WDR11: variants seen among roughly 807,000 people sequenced by gnomAD.
WDR11 encodes the protein WD repeat-containing protein 11.
In WDR11, 83 loss-of-function variants were observed where a neutral mutation model predicts 151.2. The ratio of observed to expected loss-of-function variants is 0.55; its 90% CI spans 0.46 to 0.66. The LOEUF (loss-of-function observed/expected upper bound fraction) is 0.66, where lower values mean the gene tolerates loss of function less well. Among genes scored for constraint, WDR11 ranks in the 30% least tolerant of loss-of-function variants. The pLI, the probability that WDR11 is intolerant of heterozygous loss-of-function variation, is 0.00. For missense variants in WDR11, 1,301 were observed against 1,480.9 expected, an observed-to-expected ratio of 0.88 and a Z score of 1.99; for synonymous variants, 484 against 533.1, an observed-to-expected ratio of 0.91 and a Z score of 1.27.
At chr10:120,907,974 G>C (rs941581843) in intron 28 of WDR11, 1 of 156,210 alleles carries the variant, frequency 6.4e-6, no homozygotes, top group Non-Finnish European at 1.4e-5. Flanking sequence ...ACTGAAGGCT[G>C]AGCCTACTCA....
chr10:120,859,468 C>A (rs1340203031), intron 3 of WDR11, among the ~76,000 whole-genome samples: 1 of 151,780 alleles, frequency 6.6e-6, no homozygotes, highest in Admixed American at 6.6e-5. Flanking sequence ...GGGGTTTTAC[C>A]ATGTTAGCCA....
chr10:120,855,066 TTATAAATTA>T, intron 2 of WDR11, among the ~76,000 whole-genome samples: 1 of 152,312 alleles, frequency 6.6e-6, no homozygotes, highest in South Asian at 2.1e-4. Flanking sequence ...ATGATCAAGT[TTATAAATTA>T]GGCATAATAA....
chr10:120,878,313 AAG>A (rs764838283), intron 11 of WDR11, 38 bp from the exon 12 acceptor site: 20 of 1,459,784 alleles, frequency 1.4e-5, no homozygotes, highest in Non-Finnish European at 1.7e-5. Flanking sequence ...TCAAATAAAA[AAG>A]AGAATTAGTT....
intron 19 of WDR11, among the ~76,000 whole-genome samples, chr10:120,892,250 T>C (rs774190647): frequency 1.2e-4 from 19 of 152,258 alleles, no homozygotes; most frequent in Admixed American, 7.8e-4. Context: ...CTTGAACATC[T>C]GGCCTGTGGC....
intron 12 of WDR11, chr10:120,880,020 A>G (rs541568196): frequency 5.9e-5 from 9 of 152,324 alleles, no homozygotes; most frequent in African/African-American, 1.4e-4. Context: ...TTTGAGAGGA[A>G]CATGTTCAAA....
intron 13 of WDR11, among the ~76,000 whole-genome samples, chr10:120,881,895 T>A (rs1423893395): frequency 6.6e-6 from 1 of 152,036 alleles, no homozygotes; most frequent in Non-Finnish European, 1.5e-5. Context: ...AGAACTGAGA[T>A]GTCAGCTACG....
chr10:120,899,854 A>ACT, intron 19 of WDR11, 175 bp from the exon 20 acceptor site: 1 of 625,266 alleles, frequency 1.6e-6, no homozygotes, highest in Non-Finnish European at 2.8e-6. Flanking sequence ...GAATGCAGAG[A>ACT]CTCTCTCTGC....
At position 120,908,750 on chromosome 10, in the gene WDR11, C is replaced by T; in HGVS notation, c.*37C>T. 6.2e-7 allele frequency: 1 copy of T among 1,611,758 alleles called. No homozygotes were observed. Among genetic ancestry groups the T allele is most frequent in the Non-Finnish European group, 8.5e-7 (1 of 1,179,000 alleles). On this transcript the variant is annotated 3_prime_UTR_variant, in exon 29 of 29. Coordinates refer to ENST00000263461, the MANE Select transcript of WDR11 (RefSeq NM_018117.12). The stretch of plus-strand genomic sequence containing the variant: ...ATGCCAGGGAATCTGACCTGGAAGG[C>T]AGATGGGAGGGGGCTGGTCTGGCTG...
At chr10:120,901,248 G>A (rs1200744907) in intron 21 of WDR11, 150 bp downstream of exon 21, 7 of 721,606 alleles carry the variant, frequency 9.7e-6, no homozygotes, top group East Asian at 2.7e-5. Flanking sequence ...TTTGCTTCCC[G>A]TTAGAGTCTG....
intron 27 of WDR11, chr10:120,906,222 T>G (rs1332352935): frequency 1.9e-5 from 28 of 1,454,602 alleles, no homozygotes; most frequent in Non-Finnish European, 2.5e-5. Context: ...CTATGCTAGT[T>G]TCCTACTAAT....
Position 120,902,300 on chromosome 10 carries a change from C to A in WDR11, c.2731C>A (p.Gln911Lys). ...GCTTGATCCAGAATTCACTCTCTTG[C>A]AGAGGTGCCTGCTTGTTTCAAGGTA... ...LLLDPEFTLL[Q>K]RCLLVSRLYG... The change falls in exon 22 of 29, where the codon CAG (glutamine) becomes AAG (lysine). Residue 911 changes from glutamine (Q) to lysine (K), a missense_variant. Transcript: ENST00000263461. 6.2e-7 allele frequency: 1 copy of A among 1,614,026 alleles called. No homozygotes were observed. Among genetic ancestry groups the A allele is most frequent in the Non-Finnish European group, 8.5e-7 (1 of 1,179,908 alleles).
At chr10:120,855,454 T>G (rs1845915679) in intron 2 of WDR11, among the ~76,000 whole-genome samples, 1 of 152,178 alleles carries the variant, frequency 6.6e-6, no homozygotes, top group Admixed American at 6.5e-5. Flanking sequence ...GTGGGTTGTC[T>G]TTTTACTTTC....
At chr10:120,869,829 C>T (rs1416490323) in intron 9 of WDR11, among the ~76,000 whole-genome samples, 1 of 151,732 alleles carries the variant, frequency 6.6e-6, no homozygotes, top group Non-Finnish European at 1.5e-5. Context: ...CTCGCTCTGT[C>T]ACCAGGCTGG....
chr10:120,896,289 A>G (rs1847612221), intron 19 of WDR11, among the ~76,000 whole-genome samples: 1 of 152,226 alleles, frequency 6.6e-6, no homozygotes, highest in African/African-American at 2.4e-5. Context: ...CCACACATAC[A>G]CAGAATAATC....
chr10:120,904,161 C>T lies in WDR11; in HGVS notation c.3027+19C>T, dbSNP rs764911394. ...GGGTCAAGTATGTCAGTTTTTATAACTCTACATGCTTCATTAAATTGCTAG... is the reference window on the plus strand; with the variant it reads ...GGGTCAAGTATGTCAGTTTTTATAATTCTACATGCTTCATTAAATTGCTAG... On this transcript the variant is annotated intron_variant, in intron 24 of 28. Coordinates refer to ENST00000263461, the MANE Select transcript of WDR11 (RefSeq NM_018117.12). The T allele has an allele frequency of 8.5e-6, 13 of 1,527,430 alleles. No individual in the cohort carries two copies. Among genetic ancestry groups the T allele is most frequent in the Admixed American group, 1.7e-5 (1 of 59,904 alleles). The allele number at this position is 1,527,430 out of a possible 1,614,324, so 94.6% of individuals were successfully genotyped here.
intron 16 of WDR11, among the ~76,000 whole-genome samples, chr10:120,888,379 C>A (rs942992853): frequency 6.6e-6 from 1 of 152,184 alleles, no homozygotes; most frequent in African/African-American, 2.4e-5. Flanking sequence ...GGATTCAAGC[C>A]CAGGCAGTGT....
At chr10:120,871,458 A>G in intron 10 of WDR11, 112 bp downstream of exon 10, 1 of 1,132,482 alleles carries the variant, frequency 8.8e-7, no homozygotes. Context: ...AAGGAGATAG[A>G]GACTAAGTGA....
At chr10:120,907,303 T>A in intron 28 of WDR11, 1 of 203,092 alleles carries the variant, frequency 4.9e-6, no homozygotes, top group Non-Finnish European at 1.0e-5. Context: ...CAATATGATA[T>A]GGGACAAAAT....
At chr10:120,869,080 A>G (rs1846420515) in intron 9 of WDR11, among the ~76,000 whole-genome samples, 1 of 149,112 alleles carries the variant, frequency 6.7e-6, no homozygotes, top group South Asian at 2.2e-4. Flanking sequence ...TATGCTGTTT[A>G]GGTATCTAAG....
Sources: allele counts gnomAD v4.1 joint callset (sites outside exome capture counted in the v4.1 genomes callset), GRCh38; gene constraint gnomAD v4.1.1; transcripts MANE v1.5; gene names NCBI Gene and HGNC (gene_info 2026-07-23, HGNC 2026-07-21).